Variants in GRK3 observed in about 807,000 individuals in gnomAD.
GRK3 encodes adrenergic, beta, receptor kinase 2.
Under a neutral mutation model 95.7 loss-of-function variants are expected in GRK3, and 54 were observed. That is an observed-to-expected ratio of 0.56 (90% CI 0.45 to 0.71). GRK3 has a LOEUF of 0.71. Among genes scored for constraint, GRK3 ranks in the 30% least tolerant of loss-of-function variants. The probability of loss-of-function intolerance (pLI) is 0.00; values close to 1 mark genes in which losing one functional copy is unlikely to be tolerated. For missense variants in GRK3, 649 were observed against 851.2 expected (o/e 0.76, Z 2.96); for synonymous variants, 281 against 290.8 (o/e 0.97, Z 0.34).
rs1460676318 is a variant in GRK3, at chr22:25,649,084, C to T, written c.264+4419C>T. The stretch of plus-strand genomic sequence containing the variant: ...GAGCGAGGATACAGGATGCCTTGCC[C>T]TCAGGGCTGTCCAGAATCCCTCCAT... On this transcript the variant is annotated intron_variant, in intron 3 of 20. Coordinates refer to ENST00000324198, the MANE Select transcript of GRK3 (RefSeq NM_005160.4). The T allele has an allele frequency of 1.7e-5, 26 of 1,529,560 alleles. No homozygotes were observed. The African/African-American group carries it at 3.3e-4, about 19-fold the overall frequency. 94.7% of individuals were successfully genotyped at this position (1,529,560 alleles called of 1,614,324 possible).
intron 10 of GRK3, among the ~76,000 whole-genome samples, chr22:25,685,963 G>C (rs1157671902): frequency 6.6e-6 from 1 of 151,270 alleles, no homozygotes; most frequent in Non-Finnish European, 1.5e-5. Context: ...GCTCACGCCT[G>C]TAATCCCAGC....
chr22:25,702,971 T>A (rs1354195111), intron 13 of GRK3: 2 of 437,330 alleles, frequency 4.6e-6, no homozygotes, highest in African/African-American at 4.1e-5. Context: ...CTCAGAGCTG[T>A]GGAGAATCTG....
chr22:25,577,594 C>G (rs899260196), intron 1 of GRK3, among the ~76,000 whole-genome samples: 1 of 152,196 alleles, frequency 6.6e-6, no homozygotes, highest in African/African-American at 2.4e-5. Context: ...TTGAGCTCAG[C>G]TTGGGACAGA....
At chr22:25,587,790 A>G (rs1601454985) in intron 1 of GRK3, among the ~76,000 whole-genome samples, 1 of 152,190 alleles carries the variant, frequency 6.6e-6, no homozygotes, top group Non-Finnish European at 1.5e-5. Context: ...ATGGTTTGAT[A>G]AGGGGAAACC....
chr22:25,617,009 T>C (rs1339115873), intron 2 of GRK3, among the ~76,000 whole-genome samples: 2 of 152,172 alleles, frequency 1.3e-5, no homozygotes. Flanking sequence ...AGAAGATTCT[T>C]ACGGGTGTGA....
intron 1 of GRK3, among the ~76,000 whole-genome samples, chr22:25,571,060 T>G (rs571855531): frequency 7.2e-5 from 11 of 152,344 alleles, no homozygotes; most frequent in East Asian, 5.8e-4. Flanking sequence ...GATCCAGCCT[T>G]GGACCTATAC....
intron 14 of GRK3, 67 bp downstream of exon 14, chr22:25,703,643 A>G (rs2085275485): frequency 1.7e-6 from 2 of 1,159,078 alleles, no homozygotes. Flanking sequence ...GTCAATAATA[A>G]AAAAATGCTA....
chr22:25,684,243 T>C (rs567944778), intron 9 of GRK3, among the ~76,000 whole-genome samples: 1 of 152,374 alleles, frequency 6.6e-6, no homozygotes, highest in East Asian at 1.9e-4. Flanking sequence ...TACCACACTG[T>C]CTGAATTACT....
chr22:25,709,599 T>G (rs900548500), intron 15 of GRK3, among the ~76,000 whole-genome samples: 1 of 151,230 alleles, frequency 6.6e-6, no homozygotes, highest in Non-Finnish European at 1.5e-5. Flanking sequence ...AGAATTATTG[T>G]GTGTGTGTGT....
chr22:25,660,720 A>G (rs77086367), intron 3 of GRK3, among the ~76,000 whole-genome samples: 19 of 152,320 alleles, frequency 1.2e-4, no homozygotes, highest in African/African-American at 2.4e-4. Context: ...ATCAGTCATT[A>G]TAGTGAAGAT....
intron 1 of GRK3, among the ~76,000 whole-genome samples, chr22:25,579,458 G>T (rs1932022905): frequency 6.6e-6 from 1 of 151,548 alleles, no homozygotes; most frequent in Non-Finnish European, 1.5e-5. Context: ...TGAATGAGGG[G>T]ACTTCTTTTT....
rs766957302 is a variant in GRK3 at position 25,709,889 on chromosome 22, C to G, written c.1329-9C>G. Reference sequence around the variant, plus strand: ...ATACTCAGCACTGTTATGACTCTTTCTCCTCCAGCTCACAGGAAGTAAAAG... The same window carrying G: ...ATACTCAGCACTGTTATGACTCTTTGTCCTCCAGCTCACAGGAAGTAAAAG... On this transcript the variant is annotated splice_polypyrimidine_tract_variant and intron_variant, in intron 15 of 20. Transcript: ENST00000324198. The G allele has an allele frequency of 6.2e-7, 1 of 1,608,830 alleles. No individual in the cohort carries two copies. The highest frequency in any genetic ancestry group is 8.5e-7 in the Non-Finnish European group (1 of 1,175,188).
rs553107793 is a variant in GRK3 at position 25,678,456 on chromosome 22, AAAAAAAC to A, written c.648-342_648-336del. Among the ~76,000 whole-genome samples, 391 of 152,310 alleles carry A rather than the reference AAAAAAAC, an allele frequency of 2.6e-3. 1 individual carries two copies. In the Middle Eastern group the frequency reaches 0.034, roughly 13 times the overall value. On this transcript the variant is annotated intron_variant, in intron 8 of 20. Transcript: ENST00000324198. ...GCAACAGAGTGAGACTCTGTCTCAAAAAAAAACAAAAAACAAAAAACAAACAATTGAC... is the reference window on the plus strand; with the variant it reads ...GCAACAGAGTGAGACTCTGTCTCAAAAAAAAACAAAAAACAAACAATTGAC...
chr22:25,597,813 T>G (rs1292976962), intron 1 of GRK3, among the ~76,000 whole-genome samples: 2 of 152,052 alleles, frequency 1.3e-5, no homozygotes, highest in African/African-American at 4.8e-5. Context: ...GACAGTGGAG[T>G]GACATCAAGT....
At chr22:25,638,461 C>T (rs1290312394) in intron 2 of GRK3, among the ~76,000 whole-genome samples, 2 of 152,208 alleles carry the variant, frequency 1.3e-5, no homozygotes, top group East Asian at 3.8e-4. Flanking sequence ...AGCTGGTATT[C>T]CTTACTCCCA....
chr22:25,603,169 G>A (rs930505382), intron 1 of GRK3, among the ~76,000 whole-genome samples: 4 of 151,992 alleles, frequency 2.6e-5, no homozygotes, highest in East Asian at 1.9e-4. Context: ...CACTCGCCTC[G>A]GCCTCCCAAA....
intron 16 of GRK3, 24 bp from the exon 17 acceptor site, chr22:25,711,044 A>G: frequency 6.6e-7 from 1 of 1,509,440 alleles, no homozygotes; most frequent in Non-Finnish European, 9.2e-7. Context: ...TGAAAACTGT[A>G]CCATGCTTGT....
intron 3 of GRK3, among the ~76,000 whole-genome samples, chr22:25,657,944 T>G (rs534911756): frequency 3.3e-5 from 5 of 152,308 alleles, no homozygotes; most frequent in African/African-American, 1.2e-4. Context: ...TATTGGCATT[T>G]TCTTTTGGCA....
chr22:25,684,308 G>A (rs1332280246), intron 9 of GRK3, among the ~76,000 whole-genome samples: 2 of 152,094 alleles, frequency 1.3e-5, no homozygotes, highest in Admixed American at 6.5e-5. Context: ...AGCTTTGTTT[G>A]TATTCAAGAA....
Sources: allele counts gnomAD v4.1 joint callset (sites outside exome capture counted in the v4.1 genomes callset), GRCh38; gene constraint gnomAD v4.1.1; transcripts MANE v1.5; gene names NCBI Gene and HGNC (gene_info 2026-07-23, HGNC 2026-07-21).